The following CCDC148 variants were observed in gnomAD, a reference collection of about 807,000 sequenced individuals.
The protein encoded by CCDC148 is coiled-coil domain containing 148.
A neutral mutation model predicts 85.7 loss-of-function variants in CCDC148; 89 were observed. The ratio of observed to expected loss-of-function variants is 1.04; its 90% CI spans 0.87 to 1.24. The LOEUF (loss-of-function observed/expected upper bound fraction) is 1.24. CCDC148 is among the 50% of genes most tolerant of loss of function. CCDC148 has a pLI of 0.00. For synonymous variants in CCDC148, 230 were observed against 213.9 expected (o/e 1.08, Z -0.66); for missense variants, 692 against 671.7 (o/e 1.03, Z -0.33).
intron 9 of CCDC148, among the ~76,000 whole-genome samples, chr2:158,269,963 A>G (rs1384852492): frequency 1.3e-5 from 2 of 152,200 alleles, no homozygotes; most frequent in Non-Finnish European, 1.5e-5. Context: ...AACCTACACT[A>G]ATATTCTCTG....
intron 7 of CCDC148, among the ~76,000 whole-genome samples, chr2:158,321,508 C>T (rs1692518650): frequency 6.6e-6 from 1 of 152,208 alleles, no homozygotes. Flanking sequence ...CATGCCCAGG[C>T]ACTGAAACTT....
At chr2:158,346,538 T>C (rs1683003373) in intron 2 of CCDC148, among the ~76,000 whole-genome samples, 1 of 152,144 alleles carries the variant, frequency 6.6e-6, no homozygotes, top group African/African-American at 2.4e-5. Flanking sequence ...TGCATAAACA[T>C]TTTCCTACAT....
intron 10 of CCDC148, among the ~76,000 whole-genome samples, chr2:158,250,181 T>TA: frequency 6.6e-6 from 1 of 152,202 alleles, no homozygotes; most frequent in South Asian, 2.1e-4. Flanking sequence ...AAGTGTATTC[T>TA]ATCTTCCATG....
chr2:158,324,037 T>G (rs1692646701), intron 7 of CCDC148, among the ~76,000 whole-genome samples: 1 of 148,872 alleles, frequency 6.7e-6, no homozygotes. Flanking sequence ...CTGCCTCAGG[T>G]TCCCAAGTAG....
chr2:158,240,033 G>A (rs963721437), intron 10 of CCDC148, among the ~76,000 whole-genome samples: 2 of 151,896 alleles, frequency 1.3e-5, no homozygotes, highest in Non-Finnish European at 2.9e-5. Context: ...CAAAAGGGAG[G>A]GTAGGAAGCA....
At chr2:158,225,856 A>G (rs1659082183) in intron 10 of CCDC148, among the ~76,000 whole-genome samples, 1 of 152,194 alleles carries the variant, frequency 6.6e-6, no homozygotes. Flanking sequence ...GAAAGCAGGA[A>G]AGATCCAAAA....
intron 1 of CCDC148, among the ~76,000 whole-genome samples, chr2:158,440,068 T>C (rs911420077): frequency 6.6e-6 from 1 of 152,024 alleles, no homozygotes; most frequent in Admixed American, 6.6e-5. Context: ...GAGGTCTCAC[T>C]ATGTTGCCCT....
intron 12 of CCDC148, among the ~76,000 whole-genome samples, chr2:158,178,562 C>T (rs373730944): frequency 1.3e-5 from 2 of 152,104 alleles, no homozygotes; most frequent in Admixed American, 1.3e-4. Flanking sequence ...CAGTAAAATT[C>T]GTAGACTAGA....
At chr2:158,402,261 C>T (rs1685815798) in intron 1 of CCDC148, among the ~76,000 whole-genome samples, 1 of 151,812 alleles carries the variant, frequency 6.6e-6, no homozygotes, top group Admixed American at 6.6e-5. Flanking sequence ...TTTCAGAAAC[C>T]AAATAGTTTG....
intron 10 of CCDC148, among the ~76,000 whole-genome samples, chr2:158,228,502 T>C (rs10193870): frequency 6.6e-5 from 10 of 152,072 alleles, no homozygotes; most frequent in African/African-American, 2.2e-4. Flanking sequence ...TAAAGACACA[T>C]GCATACGTAT....
chr2:158,248,476 C>A lies in CCDC148; in HGVS notation c.1251+2296G>T, dbSNP rs767618215. On this transcript the variant is annotated intron_variant, in intron 10 of 13. Coordinates refer to ENST00000283233, the MANE Select transcript of CCDC148 (RefSeq NM_138803.4). ...ATAAGTCGTATGCCTTGGTCCTACA[C>A]AATTGCTAGGGTTTGACCACAACTT... Among the ~76,000 whole-genome samples, 7 of 152,132 alleles carry A rather than the reference C, an allele frequency of 4.6e-5. No homozygotes were observed. In the South Asian group the frequency reaches 8.3e-4, roughly 18 times the overall value.
Position 158,240,448 on chromosome 2 carries a change from TCTCTCACA to T in CCDC148, c.1251+10316_1251+10323del, listed in dbSNP as rs943919971. 9.8e-4 allele frequency among the ~76,000 whole-genome samples: 47 copies of T among 47,796 alleles called. 1 individual carries two copies. In the East Asian group the frequency reaches 0.022, roughly 23 times the overall value. The allele number at this position is 47,796 out of a possible 152,430, so 31.4% of individuals were successfully genotyped here. A position where few individuals can be genotyped will look rare whatever the true frequency, so the allele number is the denominator to read the frequency against. On this transcript the variant is annotated intron_variant, in intron 10 of 13. Coordinates refer to ENST00000283233, the MANE Select transcript of CCDC148 (RefSeq NM_138803.4). ...ATCACTCTCTCTTTCTCTCTCTCTCTCTCTCACACACACACACACACACACACACACAC... is the reference window on the plus strand; with the variant it reads ...ATCACTCTCTCTTTCTCTCTCTCTCTCACACACACACACACACACACACAC...
chr2:158,340,343 G>A lies in CCDC148; in HGVS notation c.385C>T (p.Pro129Ser). 1.2e-6 allele frequency: 2 copies of A among 1,613,876 alleles called. No individual in the cohort carries two copies. Among genetic ancestry groups the A allele is most frequent in the Non-Finnish European group, 1.7e-6 (2 of 1,179,916 alleles). The change falls in exon 5 of 14, where the codon CCT (proline) becomes TCT (serine). Residue 129 changes from proline to serine, a missense_variant. By Grantham distance (74) the Pro-to-Ser change is moderately conservative. Coordinates refer to ENST00000283233, the MANE Select transcript of CCDC148 (RefSeq NM_138803.4). Reference sequence around the variant, plus strand: ...AGATCTGCTCTCAGCTGCTGAATAGGATTTATTACATTTTTAAGATATGTG... The same window carrying A: ...AGATCTGCTCTCAGCTGCTGAATAGAATTTATTACATTTTTAAGATATGTG... ...QCTYLKNVIN[P>S]IQQLRADLKY...
intron 1 of CCDC148, among the ~76,000 whole-genome samples, chr2:158,391,894 G>A (rs1467288456): frequency 6.6e-6 from 1 of 152,106 alleles, no homozygotes; most frequent in Non-Finnish European, 1.5e-5. Flanking sequence ...GGTGGTGTGA[G>A]GGGATGAGAC....
At chr2:158,219,856 T>G (rs534216331) in intron 11 of CCDC148, among the ~76,000 whole-genome samples, 18 of 152,334 alleles carry the variant, frequency 1.2e-4, no homozygotes, top group Admixed American at 8.5e-4. Flanking sequence ...CAAACGTGTT[T>G]CTTCCAAGGG....
chr2:158,454,454 C>T (rs1195278127), intron 1 of CCDC148, among the ~76,000 whole-genome samples: 1 of 152,206 alleles, frequency 6.6e-6, no homozygotes, highest in Non-Finnish European at 1.5e-5. Flanking sequence ...TGTGGTCACC[C>T]TTCTCAGCCA....
chr2:158,227,730 G>A (rs1283811140), intron 10 of CCDC148, among the ~76,000 whole-genome samples: 6 of 152,226 alleles, frequency 3.9e-5, no homozygotes, highest in South Asian at 2.1e-4. Flanking sequence ...TTAATAAATC[G>A]TGCTGGGAAA....
At chr2:158,423,547 C>A (rs1251296572) in intron 1 of CCDC148, among the ~76,000 whole-genome samples, 2 of 152,162 alleles carry the variant, frequency 1.3e-5, no homozygotes, top group African/African-American at 4.8e-5. Flanking sequence ...CTTCCTTACA[C>A]CTTACACAAA....
At chr2:158,250,967 A>G in intron 9 of CCDC148, 55 bp from the exon 10 acceptor site, 1 of 1,496,558 alleles carries the variant, frequency 6.7e-7, no homozygotes, top group Non-Finnish European at 9.0e-7. Flanking sequence ...AAGTTATTTC[A>G]TAGGTCATAA....
Sources: allele counts gnomAD v4.1 joint callset (sites outside exome capture counted in the v4.1 genomes callset), GRCh38; gene constraint gnomAD v4.1.1; transcripts MANE v1.5; gene names NCBI Gene and HGNC (gene_info 2026-07-23, HGNC 2026-07-21).